HARBI1: variants seen among roughly 807,000 people sequenced by gnomAD.
HARBI1 encodes harbinger transposase derived 1, also known as putative nuclease HARBI1.
HARBI1 carries 15 observed loss-of-function variants against 25.3 expected under a neutral mutation model. The ratio of observed to expected loss-of-function variants is 0.59; its 90% CI spans 0.40 to 0.91. The LOEUF (loss-of-function observed/expected upper bound fraction) is 0.91. Among genes scored for constraint, HARBI1 ranks in the 40% least tolerant of loss-of-function variants. HARBI1 has a pLI of 0.00. For missense variants in HARBI1, 396 were observed against 445.8 expected (o/e 0.89, Z 1.01); for synonymous variants, 168 against 160.5 (o/e 1.05, Z -0.35).
intron 2 of HARBI1, among the ~76,000 whole-genome samples, chr11:46,606,922 C>A (rs1450385434): frequency 6.6e-6 from 1 of 152,224 alleles, no homozygotes; most frequent in East Asian, 1.9e-4. Context: ...CTTCACCTCC[C>A]AAGGTGCTGA....
At chr11:46,610,450 G>A (rs2045134312) in intron 2 of HARBI1, among the ~76,000 whole-genome samples, 1 of 151,788 alleles carries the variant, frequency 6.6e-6, no homozygotes, top group Non-Finnish European at 1.5e-5. Context: ...CAAGAGGTCA[G>A]GAGATGGAGG....
rs767808341 is a variant in HARBI1 at position 46,603,852 on chromosome 11, GT to G, written c.727del (p.Thr243LeufsTer17). ...CATGTTATAGCGATATTCTGCTGGAGTTTCAGGAATGTGAAGTGGGGTCATG... is the reference window on the plus strand; with the variant it reads ...CATGTTATAGCGATATTCTGCTGGAGTTCAGGAATGTGAAGTGGGGTCATG... ...WLMTPLHIPE[T>X]PAEYRYNMAH... is the part of the protein sequence containing the mutation. On this transcript the variant is annotated frameshift_variant, in exon 3 of 3. Coordinates refer to ENST00000326737, the MANE Select transcript of HARBI1 (RefSeq NM_173811.4). LOFTEE classifies it high-confidence loss of function. 3 of 1,614,082 alleles carry G rather than the reference GT, an allele frequency of 1.9e-6. No homozygotes were observed. Among genetic ancestry groups the G allele is most frequent in the Non-Finnish European group, 8.5e-7 (1 of 1,179,982 alleles).
rs1372862137 is a variant in HARBI1, at chr11:46,615,828, C to T, written c.410G>A (p.Gly137Glu). Residue 137 changes from glycine (G) to glutamate (E), a missense_variant, in exon 2 of 3, where the codon GGG (glycine) becomes GAG (glutamate). Physicochemically the swap from Gly to Glu is moderately conservative, Grantham distance 98 (BLOSUM62 -2). Transcript: ENST00000326737. ...CATCACCCCTGGCATCCCTGCCAAC[C>T]CATAGAATTCATCCTTCAGAGCCTG... ...SIQALKDEFYGLAGMPGVMGV... is the reference protein window; with the variant it reads ...SIQALKDEFYELAGMPGVMGV... The T allele has an allele frequency of 2.5e-6, 4 of 1,614,084 alleles. No individual in the cohort carries two copies. The highest frequency in any genetic ancestry group is 3.4e-6 in the Non-Finnish European group (4 of 1,180,048).
intron 2 of HARBI1, among the ~76,000 whole-genome samples, chr11:46,610,207 C>A (rs1565348224): frequency 6.6e-6 from 1 of 152,026 alleles, no homozygotes. Context: ...ATGGTCCCAA[C>A]TACTCGGTAG....
At chr11:46,616,409 G>A in intron 1 of HARBI1, 28 bp from the exon 2 acceptor site, 2 of 1,421,976 alleles carry the variant, frequency 1.4e-6, no homozygotes, top group Non-Finnish European at 1.8e-6. Flanking sequence ...AAAAACATTA[G>A]GAACCTACCA....
At chr11:46,617,036 G>C in intron 1 of HARBI1, 88 bp downstream of exon 1, 2 of 982,800 alleles carry the variant, frequency 2.0e-6, no homozygotes, top group African/African-American at 3.5e-5. Flanking sequence ...TTTGGGAAGC[G>C]ACTCTGCCAC....
intron 2 of HARBI1, among the ~76,000 whole-genome samples, chr11:46,610,378 G>A (rs1358578978): frequency 6.7e-6 from 1 of 149,228 alleles, no homozygotes; most frequent in Non-Finnish European, 1.5e-5. Flanking sequence ...ATAATAAAAA[G>A]GCCAGGCGCG....
At position 46,616,231 on chromosome 11, in the gene HARBI1, T is replaced by A. The variant is rs574779129; in HGVS notation, c.7A>T (p.Ile3Leu). 3.1e-6 allele frequency: 5 copies of A among 1,602,916 alleles called. No individual in the cohort carries two copies. The African/African-American group carries it at 6.7e-5, about 21-fold the overall frequency. Residue 3 changes from isoleucine (I) to leucine (L), a missense_variant, in exon 2 of 3, where the codon ATA (isoleucine) becomes TTA (leucine). By Grantham distance (5) the Ile-to-Leu change is conservative. Coordinates refer to ENST00000326737, the MANE Select transcript of HARBI1 (RefSeq NM_173811.4). ...TCACAGTCAAGCACTGTTATTGGTA[T>A]AGCCATGGTAAATGTGAATGTTGGC... is the stretch of plus-strand genomic sequence containing the variant. MA[I>L]PITVLDCDLL...
chr11:46,611,710 C>CAA (rs1189904249), intron 2 of HARBI1, among the ~76,000 whole-genome samples: 1 of 76,562 alleles, frequency 1.3e-5, no homozygotes. Context: ...GACCCCGTGA[C>CAA]AAAAAAAAAA....
intron 2 of HARBI1, among the ~76,000 whole-genome samples, chr11:46,606,317 CT>C (rs770366276): frequency 1.4e-3 from 207 of 144,266 alleles, no homozygotes; most frequent in African/African-American, 1.9e-3. Context: ...TGTGCTGGTA[CT>C]TTTTTTTTTT....
At position 46,616,301 on chromosome 11, in the gene HARBI1, T is replaced by A; in HGVS notation, c.-64A>T. ...GAACTGTTCCCAATGAAGATGTTGGTGCAAGAACGTATTTTTAAGAAAGTA... is the reference window on the plus strand; with the variant it reads ...GAACTGTTCCCAATGAAGATGTTGGAGCAAGAACGTATTTTTAAGAAAGTA... On this transcript the variant is annotated 5_prime_UTR_variant, in exon 2 of 3. Coordinates refer to ENST00000326737, the MANE Select transcript of HARBI1 (RefSeq NM_173811.4). 1 of 1,528,424 alleles carries A rather than the reference T, an allele frequency of 6.5e-7. No individual in the cohort carries two copies. 94.7% of individuals were successfully genotyped at this position (1,528,424 alleles called of 1,614,324 possible).
At chr11:46,610,431 C>G (rs577501310) in intron 2 of HARBI1, among the ~76,000 whole-genome samples, 1 of 151,466 alleles carries the variant, frequency 6.6e-6, no homozygotes, top group Non-Finnish European at 1.5e-5. Flanking sequence ...GAGGCCAAGG[C>G]GGGCGGATCA....
chr11:46,617,829 G>C (rs887233779), upstream of HARBI1: 1 of 399,136 alleles, frequency 2.5e-6, no homozygotes, highest in Non-Finnish European at 4.4e-6. Flanking sequence ...CGGCTGGTCG[G>C]TCCCAGGTCC....
intron 2 of HARBI1, among the ~76,000 whole-genome samples, chr11:46,610,629 C>T (rs934214217): frequency 6.6e-6 from 1 of 152,078 alleles, no homozygotes; most frequent in Non-Finnish European, 1.5e-5. Flanking sequence ...CACTGCACTC[C>T]AGCTGGGCGA....
At chr11:46,610,532 C>A (rs576588624) in intron 2 of HARBI1, among the ~76,000 whole-genome samples, 1 of 151,714 alleles carries the variant, frequency 6.6e-6, no homozygotes. Context: ...TGGTGGCGGG[C>A]GCCTATAGTC....
In HARBI1 at chr11:46,616,181, G is replaced by A; in HGVS notation, c.57C>T (p.His19=). 3 of 1,613,424 alleles carry A rather than the reference G, an allele frequency of 1.9e-6. No individual in the cohort carries two copies. The highest frequency in any genetic ancestry group is 1.1e-5 in the South Asian group (1 of 91,088). The change falls in exon 2 of 3, where the codon CAC becomes CAT. Residue 19 remains histidine, a synonymous_variant. Coordinates refer to ENST00000326737, the MANE Select transcript of HARBI1 (RefSeq NM_173811.4). ...DCDLLLYGRG[H]RTLDRFKLDD... is the part of the protein sequence containing the mutation. ...CCAGCTTAAAACGGTCCAATGTCCG[G>A]TGACCACGGCCATATAGCAAGAGGT...
chr11:46,607,990 G>A (rs1242574823), intron 2 of HARBI1, among the ~76,000 whole-genome samples: 1 of 151,316 alleles, frequency 6.6e-6, no homozygotes, highest in South Asian at 2.1e-4. Flanking sequence ...TCAAACCTAA[G>A]GGTTGTTTCT....
chr11:46,613,834 ATAT>A (rs549259421), intron 2 of HARBI1, among the ~76,000 whole-genome samples: 74 of 151,328 alleles, frequency 4.9e-4, no homozygotes, highest in African/African-American at 1.6e-3. Context: ...TTGCTTATTT[ATAT>A]TATTATTACT....
chr11:46,615,990 C>G lies in HARBI1; in HGVS notation c.248G>C (p.Gly83Ala). 1 of 1,614,186 alleles carries G rather than the reference C, an allele frequency of 6.2e-7. No homozygotes were observed. Among genetic ancestry groups the G allele is most frequent in the Non-Finnish European group, 8.5e-7 (1 of 1,180,052 alleles). ...ATCTCCCATCCGAGTCTGGAAGGAA[C>G]CTGAGGTATAAAAACCCAATGCTGC... The part of the protein sequence containing the change: ...VLAALGFYTS[G>A]SFQTRMGDAI... The change falls in exon 2 of 3, where the codon GGT becomes GCT. Residue 83 changes from glycine (G) to alanine (A), a missense_variant. Physicochemically the swap from Gly to Ala is moderately conservative, Grantham distance 60. Coordinates refer to ENST00000326737, the MANE Select transcript of HARBI1 (RefSeq NM_173811.4).
Sources: allele counts gnomAD v4.1 joint callset (sites outside exome capture counted in the v4.1 genomes callset), GRCh38; gene constraint gnomAD v4.1.1; transcripts MANE v1.5; gene names NCBI Gene and HGNC (gene_info 2026-07-23, HGNC 2026-07-21).